BPIFB2: variants seen among roughly 807,000 people sequenced by gnomAD.
The protein encoded by BPIFB2 is BPI fold containing family B member 2, also known as BPI fold-containing family B member 2.
Under a neutral mutation model 50.1 loss-of-function variants are expected in BPIFB2, and 39 were observed. That is an observed-to-expected ratio of 0.78 (90% CI 0.60 to 1.02). The LOEUF (loss-of-function observed/expected upper bound fraction) is 1.02, where lower values mean the gene tolerates loss of function less well. Among genes scored for constraint, BPIFB2 ranks in the 50% least tolerant of loss-of-function variants. The pLI, the probability that BPIFB2 is intolerant of heterozygous loss-of-function variation, is 0.00. For missense variants in BPIFB2, 574 were observed against 585.8 expected (o/e 0.98, Z 0.21); for synonymous variants, 280 against 256.3 (o/e 1.09, Z -0.88).
At chr20:33,015,519 A>AGAAAG in intron 6 of BPIFB2, 23 bp downstream of exon 6, 1 of 1,588,050 alleles carries the variant, frequency 6.3e-7, no homozygotes, top group Non-Finnish European at 8.6e-7. Flanking sequence ...CAGATTTCTC[A>AGAAAG]GAAAGGAGGG....
rs564516440 is a variant in BPIFB2 at position 33,009,825 on chromosome 20, C to T, written c.109+1142C>T. On this transcript the variant is annotated intron_variant, in intron 2 of 15. Coordinates refer to ENST00000170150, the MANE Select transcript of BPIFB2 (RefSeq NM_025227.3). The surrounding 1 kb of genome is among the most constrained non-coding windows in gnomAD (Gnocchi z 4.2). ...TGGCAGAAATCTGGCTGGAGGCCCACGCTGGACGCATTGCTCCCCAGGCTG... is the reference window on the plus strand; with the variant it reads ...TGGCAGAAATCTGGCTGGAGGCCCATGCTGGACGCATTGCTCCCCAGGCTG... Among the ~76,000 whole-genome samples, 8 of 152,356 alleles carry T rather than the reference C, an allele frequency of 5.3e-5. No homozygotes were observed. Among genetic ancestry groups the T allele is most frequent in the South Asian group, 4.1e-4 (2 of 4,830 alleles).
chr20:33,019,882 C>A, intron 11 of BPIFB2, 132 bp downstream of exon 11: 2 of 1,198,256 alleles, frequency 1.7e-6, no homozygotes, highest in Non-Finnish European at 2.2e-6. Flanking sequence ...AGGACACTCC[C>A]GCCCCAGGAC....
At position 33,021,359 on chromosome 20, in the gene BPIFB2, C is replaced by T; in HGVS notation, c.1258+15C>T. On this transcript the variant is annotated intron_variant, in intron 14 of 15. Coordinates refer to ENST00000170150, the MANE Select transcript of BPIFB2 (RefSeq NM_025227.3). The stretch of plus-strand genomic sequence containing the variant: ...CCATCTCAATGGTAAGCCCTGCCCT[C>T]CACCCCAGCAGGGCCCCTCTGGCCC... The T allele has an allele frequency of 3.1e-6, 5 of 1,608,164 alleles. No homozygotes were observed. Among genetic ancestry groups the T allele is most frequent in the Non-Finnish European group, 3.4e-6 (4 of 1,177,090 alleles).
chr20:33,021,862 G>A (rs112753031), intron 15 of BPIFB2, 63 bp downstream of exon 15: 1 of 1,481,212 alleles, frequency 6.8e-7, no homozygotes, highest in Non-Finnish European at 9.4e-7. Flanking sequence ...TTGAGGTGGG[G>A]GTCACCTCTC....
At chr20:33,015,625 A>C (rs1480132675) in intron 6 of BPIFB2, 129 bp downstream of exon 6, 5 of 820,840 alleles carry the variant, frequency 6.1e-6, no homozygotes, top group Non-Finnish European at 9.2e-6. Flanking sequence ...ACGCCCCTTC[A>C]TGGTCCCCAT....
rs55986567 is a variant in BPIFB2 at position 33,014,307 on chromosome 20, C to G, written c.455+351C>G. On this transcript the variant is annotated intron_variant, in intron 5 of 15. Transcript: ENST00000170150. ...CCTAGCAGAGATGAGGGAAAGGAAG[C>G]CAGGGAGGGCCTGGGACCCACCAAT... is the stretch of plus-strand genomic sequence containing the variant. Among the ~76,000 whole-genome samples the G allele has an allele frequency of 8.4e-3, 1,287 of 152,308 alleles. 19 individuals are homozygous for G. The highest frequency in any genetic ancestry group is 0.029 in the African/African-American group (1,216 of 41,566).
At chr20:33,007,879 CT>C (rs1226122010) in intron 1 of BPIFB2, 119 bp downstream of exon 1, 1 of 152,494 alleles carries the variant, frequency 6.6e-6, no homozygotes, top group African/African-American at 2.4e-5. Flanking sequence ...CCTGGCCTTG[CT>C]GTAGGACCTG....
chr20:33,020,271 G>A lies in BPIFB2; in HGVS notation c.1081-57G>A. ...CGGGGGATGGGTGGGAGGCTGGGTG[G>A]CTGGTGCCCCCCTCATGGCTCTGTG... On this transcript the variant is annotated intron_variant, in intron 11 of 15. Coordinates refer to ENST00000170150, the MANE Select transcript of BPIFB2 (RefSeq NM_025227.3). The A allele has an allele frequency of 1.9e-6, 3 of 1,542,452 alleles. No homozygotes were observed. In the South Asian group the frequency reaches 3.4e-5, roughly 17 times the overall value.
At chr20:33,008,780 G>A (rs1990247669) in intron 2 of BPIFB2, 97 bp downstream of exon 2, 7 of 1,043,820 alleles carry the variant, frequency 6.7e-6, no homozygotes, top group African/African-American at 5.0e-5. Flanking sequence ...AGGCCCATGA[G>A]GACCCAGATT....
At position 33,012,852 on chromosome 20, in the gene BPIFB2, G is replaced by A. The variant is rs766138187; in HGVS notation, c.253G>A (p.Ala85Thr). 6.2e-7 allele frequency: 1 copy of A among 1,614,088 alleles called. No homozygotes were observed. Among genetic ancestry groups the A allele is most frequent in the African/African-American group, 1.3e-5 (1 of 75,012 alleles). The change falls in exon 4 of 16, where the codon GCT becomes ACT. Residue 85 changes from alanine (A) to threonine (T), a missense_variant. Coordinates refer to ENST00000170150, the MANE Select transcript of BPIFB2 (RefSeq NM_025227.3). ...GCCCCGCCTCCACCTGAAATTCATTGCTGGTTTCGGAGTGCGCCTGCTGGC... is the reference window on the plus strand; with the variant it reads ...GCCCCGCCTCCACCTGAAATTCATTACTGGTTTCGGAGTGCGCCTGCTGGC... ...HVPRLHLKFI[A>T]GFGVRLLAAA...
chr20:33,017,129 G>T (rs757655136), intron 7 of BPIFB2, 27 bp downstream of exon 7: 1 of 1,609,056 alleles, frequency 6.2e-7, no homozygotes, highest in Non-Finnish European at 8.5e-7. Context: ...AGGGGAGGGG[G>T]CTGGGGCCTC....
intron 13 of BPIFB2, 48 bp from the exon 14 acceptor site, chr20:33,021,233 T>C (rs1037653184): frequency 1.9e-6 from 3 of 1,594,032 alleles, no homozygotes; most frequent in Non-Finnish European, 1.7e-6. Flanking sequence ...CCATCTCTCC[T>C]GGCCCCTCGG....
At chr20:33,012,669 C>A in intron 3 of BPIFB2, 134 bp from the exon 4 acceptor site, 1 of 732,962 alleles carries the variant, frequency 1.4e-6, no homozygotes. Context: ...ACCATCTTCC[C>A]CTTACCTCAT....
At chr20:33,012,403 T>C (rs577942100) in intron 3 of BPIFB2, among the ~76,000 whole-genome samples, 1 of 152,082 alleles carries the variant, frequency 6.6e-6, no homozygotes, top group Non-Finnish European at 1.5e-5. Context: ...AGCTTTGAAG[T>C]GGGGGAGCTT....
Position 33,011,065 on chromosome 20 carries a change from GTCA to G in BPIFB2, c.152_154del (p.Val51_Thr52delinsAla). ...AGCCCCTCTCCAGCGGGCCCTGCAG[GTCA>G]CTGTCCCTCATTTCCTGGACTGGAG... On this transcript the variant is annotated inframe_deletion, in exon 3 of 16. Transcript: ENST00000170150. 1 of 1,614,070 alleles carries G rather than the reference GTCA, an allele frequency of 6.2e-7. No homozygotes were observed. Among genetic ancestry groups the G allele is most frequent in the South Asian group, 1.1e-5 (1 of 91,060 alleles).
chr20:33,011,363 G>A (rs1473463683), intron 3 of BPIFB2, among the ~76,000 whole-genome samples: 1 of 152,232 alleles, frequency 6.6e-6, no homozygotes, highest in Admixed American at 6.5e-5. Context: ...AGCCGGGCCT[G>A]GTGCCTCTGA....
At chr20:33,013,048 C>T in intron 4 of BPIFB2, 141 bp downstream of exon 4, 1 of 658,238 alleles carries the variant, frequency 1.5e-6, no homozygotes, top group Non-Finnish European at 2.6e-6. Context: ...TCTCTCCCCT[C>T]ACGCTTGGAG....
In BPIFB2 at chr20:33,018,702, A is replaced by G; in HGVS notation, c.735A>G (p.Pro245=). 6.2e-7 allele frequency: 1 copy of G among 1,614,174 alleles called. No homozygotes were observed. The highest frequency in any genetic ancestry group is 1.6e-4 in the Middle Eastern group (1 of 6,062). Residue 245 remains proline (P), a synonymous_variant, in exon 9 of 16, where the codon CCA becomes CCG. Transcript: ENST00000170150. ...CGGATGCCACCCCTTTTGTGTTGCC[A>G]AGGCATGTGGGTACCGAGGGCTCCA... ...LPTDATPFVL[P]RHVGTEGSMA... is the part of the protein sequence containing the mutation.
chr20:33,011,521 T>C (rs189722564), intron 3 of BPIFB2, among the ~76,000 whole-genome samples: 1 of 152,274 alleles, frequency 6.6e-6, no homozygotes, highest in East Asian at 1.9e-4. Context: ...ATGCAGAAAC[T>C]AAAGGCATAG....
Sources: gnomAD v4.1 joint callset for allele counts (sites outside exome capture counted in the v4.1 genomes callset) on GRCh38, gnomAD v4.1.1 for gene constraint, Gnocchi (gnomAD v3.1) non-coding constraint, MANE v1.5 for transcripts, NCBI Gene and HGNC (gene_info 2026-07-23, HGNC 2026-07-21) for gene names.